PLCB1: variants seen among roughly 807,000 people sequenced by gnomAD.
The protein encoded by PLCB1 is 1-phosphatidylinositol 4,5-bisphosphate phosphodiesterase beta-1.
Under a neutral mutation model 161.8 loss-of-function variants are expected in PLCB1, and 46 were observed. The observed-to-expected ratio is 0.28, with a 90% CI of 0.22 to 0.36. The LOEUF (loss-of-function observed/expected upper bound fraction) is 0.36, where lower values mean the gene tolerates loss of function less well. Among genes scored for constraint, PLCB1 ranks in the 10% least tolerant of loss-of-function variants. The probability of loss-of-function intolerance (pLI) is 1.00; values close to 1 mark genes in which losing one functional copy is unlikely to be tolerated. For synonymous variants in PLCB1, 517 were observed against 503.7 expected (o/e 1.03, Z -0.35); for missense variants, 1,016 against 1,472.5 (o/e 0.69, Z 5.07).
intron 27 of PLCB1, among the ~76,000 whole-genome samples, chr20:8,775,702 G>A (rs375968674): frequency 1.4e-4 from 21 of 152,264 alleles, no homozygotes; most frequent in African/African-American, 4.3e-4. Context: ...AACGAGGCCC[G>A]TTATTCTCAA....
intron 3 of PLCB1, among the ~76,000 whole-genome samples, chr20:8,449,316 A>G (rs985262426): frequency 6.6e-6 from 1 of 152,178 alleles, no homozygotes; most frequent in African/African-American, 2.4e-5. Context: ...TGGCTACCAT[A>G]GCATCCTGCT....
intron 2 of PLCB1, among the ~76,000 whole-genome samples, chr20:8,158,481 C>G (rs947805423): frequency 6.6e-6 from 1 of 152,116 alleles, no homozygotes; most frequent in South Asian, 2.1e-4. Flanking sequence ...AGGGACACAG[C>G]CAAACCATAT....
intron 31 of PLCB1, among the ~76,000 whole-genome samples, chr20:8,863,509 C>T (rs927735369): frequency 1.3e-5 from 2 of 152,052 alleles, no homozygotes; most frequent in African/African-American, 4.8e-5. Flanking sequence ...GGCTCCCACC[C>T]CCAAAGCTTC....
At chr20:8,290,433 G>T (rs1031005826) in intron 2 of PLCB1, among the ~76,000 whole-genome samples, 4 of 152,186 alleles carry the variant, frequency 2.6e-5, no homozygotes, top group African/African-American at 9.6e-5. Context: ...CTATGGAGTT[G>T]TCTAGGAGAC....
intron 5 of PLCB1, 68 bp downstream of exon 5, chr20:8,646,249 A>G: frequency 9.1e-7 from 1 of 1,093,332 alleles, no homozygotes; most frequent in Non-Finnish European, 1.4e-6. Flanking sequence ...CTCCTTTGTG[A>G]GTCTTCCGTT....
chr20:8,605,580 T>C (rs1190512701), intron 3 of PLCB1, among the ~76,000 whole-genome samples: 1 of 151,568 alleles, frequency 6.6e-6, no homozygotes, highest in East Asian at 1.9e-4. Context: ...TTAATTTTGA[T>C]TTTAACATGT....
At chr20:8,719,025 T>C (rs1979485348) in intron 14 of PLCB1, among the ~76,000 whole-genome samples, 1 of 152,158 alleles carries the variant, frequency 6.6e-6, no homozygotes, top group Non-Finnish European at 1.5e-5. Flanking sequence ...TAGATTGCTG[T>C]GGTTGATGAG....
chr20:8,827,336 A>G (rs1341249599), intron 31 of PLCB1, among the ~76,000 whole-genome samples: 15 of 152,220 alleles, frequency 9.9e-5, no homozygotes, highest in Admixed American at 9.8e-4. Context: ...GATGTAATAT[A>G]TAAAATCAAG....
At chr20:8,572,368 T>C (rs1003370476) in intron 3 of PLCB1, among the ~76,000 whole-genome samples, 6 of 152,182 alleles carry the variant, frequency 3.9e-5, no homozygotes, top group Non-Finnish European at 8.8e-5. Flanking sequence ...TTCTATGTCA[T>C]TATATTCAGT....
At chr20:8,763,770 C>T (rs1021920740) in intron 25 of PLCB1, among the ~76,000 whole-genome samples, 4 of 151,986 alleles carry the variant, frequency 2.6e-5, no homozygotes, top group South Asian at 2.1e-4. Context: ...GATCCTGCCT[C>T]GGCCTCCCAA....
At chr20:8,564,564 G>C (rs185421917) in intron 3 of PLCB1, among the ~76,000 whole-genome samples, 1 of 151,996 alleles carries the variant, frequency 6.6e-6, no homozygotes, top group South Asian at 2.1e-4. Flanking sequence ...CAGAATGGGA[G>C]AAAATTTTTG....
At chr20:8,543,250 A>G (rs949174649) in intron 3 of PLCB1, among the ~76,000 whole-genome samples, 9 of 152,084 alleles carry the variant, frequency 5.9e-5, no homozygotes, top group African/African-American at 2.2e-4. Flanking sequence ...TTAATGGGAG[A>G]TTATGTAAGA....
intron 31 of PLCB1, among the ~76,000 whole-genome samples, chr20:8,858,173 G>A (rs920392332): frequency 6.6e-6 from 1 of 152,048 alleles, no homozygotes; most frequent in African/African-American, 2.4e-5. Context: ...ATAGATTAAA[G>A]GTTTAGCAGT....
chr20:8,374,128 C>A (rs1986992287), intron 3 of PLCB1, among the ~76,000 whole-genome samples: 1 of 151,972 alleles, frequency 6.6e-6, no homozygotes, highest in South Asian at 2.1e-4. Context: ...ATTGTAATTC[C>A]CATCATCCCC....
intron 3 of PLCB1, among the ~76,000 whole-genome samples, chr20:8,434,626 G>A (rs149318159): frequency 1.2e-4 from 18 of 152,280 alleles, no homozygotes; most frequent in African/African-American, 3.6e-4. Context: ...TTTCAACACC[G>A]TGAACTAGAA....
At chr20:8,809,265 C>A (rs1450195640) in intron 31 of PLCB1, among the ~76,000 whole-genome samples, 1 of 152,176 alleles carries the variant, frequency 6.6e-6, no homozygotes, top group African/African-American at 2.4e-5. Flanking sequence ...GCCTCAGCCT[C>A]CCAAAGTGCT....
chr20:8,605,450 A>T (rs1600187136), intron 3 of PLCB1, among the ~76,000 whole-genome samples: 1 of 151,824 alleles, frequency 6.6e-6, no homozygotes, highest in African/African-American at 2.4e-5. Flanking sequence ...TAACAACCTT[A>T]CCCCTATATT....
At chr20:8,748,208 C>T (rs1056182319) in intron 23 of PLCB1, among the ~76,000 whole-genome samples, 24 of 152,154 alleles carry the variant, frequency 1.6e-4, no homozygotes, top group Admixed American at 6.6e-4. Context: ...TCTTTCATTT[C>T]TATACTGTAC....
chr20:8,368,264 A>G (rs1050526657), intron 2 of PLCB1, among the ~76,000 whole-genome samples: 2 of 152,168 alleles, frequency 1.3e-5, no homozygotes, highest in Non-Finnish European at 2.9e-5. Context: ...ACGGTGGCTC[A>G]TGCCTGCAAT....
Sources: gnomAD v4.1 joint callset for allele counts (sites outside exome capture counted in the v4.1 genomes callset) on GRCh38, gnomAD v4.1.1 for gene constraint, MANE v1.5 for transcripts, NCBI Gene and HGNC (gene_info 2026-07-23, HGNC 2026-07-21) for gene names.